The following SLC3A1 variants were observed in gnomAD, a reference collection of about 807,000 sequenced individuals.
SLC3A1 encodes solute carrier family 3 member 1.
A neutral mutation model predicts 60.3 loss-of-function variants in SLC3A1; 78 were observed. The ratio of observed to expected loss-of-function variants is 1.29; its 90% CI spans 1.08 to 1.56. The LOEUF is 1.56. SLC3A1 is among the 40% of genes most tolerant of loss of function. The pLI, the probability that SLC3A1 is intolerant of heterozygous loss-of-function variation, is 0.00. For synonymous variants in SLC3A1, 392 were observed against 307.9 expected (o/e 1.27, Z -2.86); for missense variants, 1,172 against 858.9 (o/e 1.36, Z -4.56).
In SLC3A1 at chr2:44,275,975, C is replaced by T; in HGVS notation, c.430+10C>T. 6.2e-7 allele frequency: 1 copy of T among 1,613,182 alleles called. No individual in the cohort carries two copies. Among genetic ancestry groups the T allele is most frequent in the East Asian group, 2.2e-5 (1 of 44,888 alleles). ...AACGGAGATCTGAAAGGTACATGCCCAGAGATCATTTAGGGTGGGTGCCAG... is the reference window on the plus strand; with the variant it reads ...AACGGAGATCTGAAAGGTACATGCCTAGAGATCATTTAGGGTGGGTGCCAG... On this transcript the variant is annotated intron_variant, in intron 1 of 9. Transcript: ENST00000260649.
At chr2:44,315,477 T>C (rs1282912346) in intron 9 of SLC3A1, among the ~76,000 whole-genome samples, 1 of 144,728 alleles carries the variant, frequency 6.9e-6, no homozygotes, top group African/African-American at 2.6e-5. Context: ...AGTGAGACCT[T>C]GTTTCTACCT....
intron 3 of SLC3A1, among the ~76,000 whole-genome samples, chr2:44,283,323 G>A (rs919084027): frequency 1.3e-5 from 2 of 152,178 alleles, no homozygotes; most frequent in African/African-American, 4.8e-5. Context: ...GCAAGTCCTG[G>A]CAGTTTCACC....
At chr2:44,285,071 T>C (rs1357747298) in intron 3 of SLC3A1, 7 of 152,236 alleles carry the variant, frequency 4.6e-5, no homozygotes, top group African/African-American at 1.7e-4. Context: ...ATTTATCCCT[T>C]TGAAATTGCT....
At chr2:44,315,215 T>A (rs1022539578) in intron 9 of SLC3A1, 13 of 152,182 alleles carry the variant, frequency 8.5e-5, no homozygotes, top group African/African-American at 2.4e-4. Flanking sequence ...AGTGTTGGGA[T>A]TACAGGCGTG....
At chr2:44,287,408 G>A (rs141920941) in intron 4 of SLC3A1, among the ~76,000 whole-genome samples, 1 of 152,230 alleles carries the variant, frequency 6.6e-6, no homozygotes, top group Non-Finnish European at 1.5e-5. Context: ...GTGAGAGTGT[G>A]GTTCATGTGT....
chr2:44,320,175 GTAAA>G lies in SLC3A1; in HGVS notation c.1618-21_1618-18del. 1 of 1,573,914 alleles carries G rather than the reference GTAAA, an allele frequency of 6.4e-7. No homozygotes were observed. The highest frequency in any genetic ancestry group is 8.7e-7 in the Non-Finnish European group (1 of 1,145,532). ...ACAATTCTTAGAATCAAACACTTAC[GTAAA>G]TACTTTTTTAAAAAAATAGGTCCAA... On this transcript the variant is annotated intron_variant, in intron 9 of 9. Coordinates refer to ENST00000260649, the MANE Select transcript of SLC3A1 (RefSeq NM_000341.4).
At chr2:44,279,381 C>A (rs1004682040) in intron 1 of SLC3A1, among the ~76,000 whole-genome samples, 27 of 152,156 alleles carry the variant, frequency 1.8e-4, no homozygotes, top group African/African-American at 6.5e-4. Flanking sequence ...TCACTCTGAT[C>A]CCCTTTGCCC....
intron 4 of SLC3A1, among the ~76,000 whole-genome samples, chr2:44,296,824 A>G (rs1326355005): frequency 6.6e-6 from 1 of 152,134 alleles, no homozygotes; most frequent in Non-Finnish European, 1.5e-5. Flanking sequence ...GAGATAATTG[A>G]ATCATGGGTG....
intron 9 of SLC3A1, 87 bp downstream of exon 9, chr2:44,314,038 A>C: frequency 6.3e-7 from 1 of 1,593,230 alleles, no homozygotes; most frequent in Non-Finnish European, 8.6e-7. Flanking sequence ...GAATGTGTCT[A>C]AACCTTAACG....
rs6747853 is a variant in SLC3A1, at chr2:44,281,054, T to G, written c.610+159T>G. On this transcript the variant is annotated intron_variant, in intron 2 of 9. Coordinates refer to ENST00000260649, the MANE Select transcript of SLC3A1 (RefSeq NM_000341.4). ...TCTTTCCTTCCCGCTTTCTCTTTCTTCCTTTCCTTCCCTTCCCTTCTGTTT... is the reference window on the plus strand; with the variant it reads ...TCTTTCCTTCCCGCTTTCTCTTTCTGCCTTTCCTTCCCTTCCCTTCTGTTT... Among the ~76,000 whole-genome samples the G allele has an allele frequency of 0.041, 6,076 of 148,610 alleles. 425 individuals are homozygous for G. The highest frequency in any genetic ancestry group is 0.14 in the African/African-American group (5,671 of 40,014).
Position 44,321,261 on chromosome 2 carries a change from G to C in SLC3A1, c.*622G>C. The C allele has an allele frequency of 2.8e-6, 3 of 1,068,142 alleles. No homozygotes were observed. Among genetic ancestry groups the C allele is most frequent in the Admixed American group, 2.6e-5 (1 of 38,950 alleles). 66.2% of individuals were successfully genotyped at this position (1,068,142 alleles called of 1,614,324 possible). On this transcript the variant is annotated 3_prime_UTR_variant, in exon 10 of 10. Coordinates refer to ENST00000260649, the MANE Select transcript of SLC3A1 (RefSeq NM_000341.4). ...ATTTTAAAAAATTAATAACTTAAAAGTCTCAAGTTATTAATTTTTTTTTTG... is the reference window on the plus strand; with the variant it reads ...ATTTTAAAAAATTAATAACTTAAAACTCTCAAGTTATTAATTTTTTTTTTG...
intron 4 of SLC3A1, among the ~76,000 whole-genome samples, chr2:44,294,897 GT>G (rs369297023): frequency 1.3e-5 from 2 of 152,010 alleles, no homozygotes. Flanking sequence ...TCTTCTGTTT[GT>G]TTTTTTGGTT....
Position 44,321,268 on chromosome 2 carries a change from G to C in SLC3A1, c.*629G>C, listed in dbSNP as rs960071470. 3.2e-5 allele frequency: 37 copies of C among 1,146,288 alleles called. No individual in the cohort carries two copies. The highest frequency in any genetic ancestry group is 7.6e-5 in the Admixed American group (3 of 39,296). The allele number at this position is 1,146,288 out of a possible 1,614,324, so 71.0% of individuals were successfully genotyped here. A position where few individuals can be genotyped will look rare whatever the true frequency, so the allele number is the denominator to read the frequency against. On this transcript the variant is annotated 3_prime_UTR_variant, in exon 10 of 10. Transcript: ENST00000260649. ...AAAATTAATAACTTAAAAGTCTCAA[G>C]TTATTAATTTTTTTTTTGCTAACTC...
chr2:44,317,699 CA>C (rs1041505252), intron 9 of SLC3A1: 11 of 152,022 alleles, frequency 7.2e-5, no homozygotes, highest in African/African-American at 2.4e-4. Context: ...TAAAATATAA[CA>C]ATTTTCAAAT....
At chr2:44,282,082 C>G (rs1572791191) in intron 3 of SLC3A1, among the ~76,000 whole-genome samples, 2 of 151,900 alleles carry the variant, frequency 1.3e-5, no homozygotes, top group South Asian at 4.1e-4. Flanking sequence ...ATGTTGGCCA[C>G]TCTGGTCTTG....
In SLC3A1 at chr2:44,301,082, T is replaced by G. The variant is rs2104364400; in HGVS notation, c.1091T>G (p.Phe364Cys). 2 of 1,614,150 alleles carry G rather than the reference T, an allele frequency of 1.2e-6. No homozygotes were observed. The highest frequency in any genetic ancestry group is 1.7e-6 in the Non-Finnish European group (2 of 1,180,028). ...QVGMHDIVRS[F>C]RQTMDQYSTE... Reference sequence around the variant, plus strand: ...GGAATGCACGACATTGTCCGCAGCTTCCGGCAGACCATGGACCAATACAGC... The same window carrying G: ...GGAATGCACGACATTGTCCGCAGCTGCCGGCAGACCATGGACCAATACAGC... The change falls in exon 6 of 10, where the codon TTC (phenylalanine) becomes TGC (cysteine). Residue 364 changes from phenylalanine to cysteine, a missense_variant. Transcript: ENST00000260649.
intron 7 of SLC3A1, among the ~76,000 whole-genome samples, chr2:44,307,124 C>T (rs1427456444): frequency 6.6e-6 from 1 of 152,160 alleles, no homozygotes; most frequent in Admixed American, 6.5e-5. Flanking sequence ...TGTCTAGCTT[C>T]TTTCACTTAA....
At chr2:44,303,564 G>A (rs1672072077) in intron 6 of SLC3A1, among the ~76,000 whole-genome samples, 3 of 151,740 alleles carry the variant, frequency 2.0e-5, no homozygotes, top group African/African-American at 7.3e-5. Context: ...TTTTTTGGGG[G>A]GGGTGGATTT....
chr2:44,286,953 G>A lies in SLC3A1; in HGVS notation c.891+796G>A, dbSNP rs1362950142. Among the ~76,000 whole-genome samples, 3 of 152,282 alleles carry A rather than the reference G, an allele frequency of 2.0e-5. No individual in the cohort carries two copies. In the East Asian group the frequency reaches 5.8e-4, roughly 29 times the overall value. On this transcript the variant is annotated intron_variant, in intron 4 of 9. Transcript: ENST00000260649. ...ATGGTTATTTGGCTTTCATGTCTTA[G>A]CTGTCTCATCTATGAAACACAGTTG...
Sources: gnomAD v4.1 joint callset for allele counts (sites outside exome capture counted in the v4.1 genomes callset) on GRCh38, gnomAD v4.1.1 for gene constraint, MANE v1.5 for transcripts, NCBI Gene and HGNC (gene_info 2026-07-23, HGNC 2026-07-21) for gene names.